DAB1: variants seen among roughly 807,000 people sequenced by gnomAD.
The protein encoded by DAB1 is disabled homolog 1.
In DAB1, 15 loss-of-function variants were observed where a neutral mutation model predicts 64.6. The ratio of observed to expected loss-of-function variants is 0.23; its 90% CI spans 0.16 to 0.36. The LOEUF (loss-of-function observed/expected upper bound fraction) is 0.36. Among genes scored for constraint, DAB1 ranks in the 10% least tolerant of loss-of-function variants. DAB1 has a pLI of 1.00. For missense variants in DAB1, 596 were observed against 706.7 expected (o/e 0.84, Z 1.78); for synonymous variants, 235 against 251.9 (o/e 0.93, Z 0.64).
At chr1:57,384,282 AAACTGG>A (rs1325478467) in intron 1 of DAB1, among the ~76,000 whole-genome samples, 1 of 152,204 alleles carries the variant, frequency 6.6e-6, no homozygotes, top group Non-Finnish European at 1.5e-5. Flanking sequence ...TGATGTGGAG[AAACTGG>A]AACCCTGCAA....
chr1:57,028,402 A>T (rs980042268), intron 9 of DAB1, among the ~76,000 whole-genome samples: 1 of 152,146 alleles, frequency 6.6e-6, no homozygotes, highest in African/African-American at 2.4e-5. Flanking sequence ...AGTCTTGGGT[A>T]TGTCTTTATC....
At chr1:58,056,399 G>T (rs753782346) in intron 5 of DAB1, 47 of 1,567,332 alleles carry the variant, frequency 3.0e-5, no homozygotes, top group Non-Finnish European at 3.9e-5. Context: ...GGCACGCATC[G>T]GGCACAGTTA....
chr1:58,314,270 T>C (rs1030776447), intron 4 of DAB1, among the ~76,000 whole-genome samples: 2 of 152,184 alleles, frequency 1.3e-5, no homozygotes, highest in Non-Finnish European at 2.9e-5. Flanking sequence ...CCATGTTGTC[T>C]GGTCTGTTCT....
intron 2 of DAB1, among the ~76,000 whole-genome samples, chr1:57,272,883 C>A (rs1307769711): frequency 6.6e-6 from 1 of 152,146 alleles, no homozygotes; most frequent in Admixed American, 6.5e-5. Context: ...GATGAGCATT[C>A]TCCTTTGTTT....
rs1236531337 is a variant in DAB1 at position 57,942,026 on chromosome 1, TC to T, written n.388-57865del. Among the ~76,000 whole-genome samples the T allele has an allele frequency of 7.9e-5, 12 of 152,316 alleles. No individual in the cohort carries two copies. The East Asian group carries it at 2.3e-3, about 29-fold the overall frequency. ...AAAAGTCAAGTGTTTCAATATTTTT[TC>T]TTTCTTTTCTGGGTAGATGGGGCAA... On this transcript the variant is annotated intron_variant and non_coding_transcript_variant, in intron 5 of 20. Transcript: ENST00000485760.
intron 6 of DAB1, among the ~76,000 whole-genome samples, chr1:57,777,702 C>T (rs533232789): frequency 3.1e-4 from 47 of 152,074 alleles, no homozygotes; most frequent in Middle Eastern, 6.8e-3. Flanking sequence ...TTTATAGTAG[C>T]TATTTTAAAG....
chr1:57,600,600 C>T (rs1645566014), intron 7 of DAB1, among the ~76,000 whole-genome samples: 1 of 152,116 alleles, frequency 6.6e-6, no homozygotes, highest in South Asian at 2.1e-4. Flanking sequence ...GGCAGGGCCT[C>T]TTTGAACCAC....
intron 5 of DAB1, among the ~76,000 whole-genome samples, chr1:58,143,981 C>T (rs1222183170): frequency 1.3e-5 from 2 of 152,164 alleles, no homozygotes; most frequent in Admixed American, 6.5e-5. Context: ...CATTTAATTC[C>T]TTCCTTCCGT....
At chr1:57,184,827 A>T (rs1277527854) in intron 2 of DAB1, among the ~76,000 whole-genome samples, 1 of 152,064 alleles carries the variant, frequency 6.6e-6, no homozygotes, top group Non-Finnish European at 1.5e-5. Context: ...ATGCATTTCA[A>T]ACACTGCCTA....
chr1:57,089,095 T>C (rs1282216841), intron 4 of DAB1, among the ~76,000 whole-genome samples: 1 of 152,252 alleles, frequency 6.6e-6, no homozygotes, highest in African/African-American at 2.4e-5. Flanking sequence ...GGAATAACTG[T>C]TTCCACCTTA....
rs964861892 is a variant in DAB1, at chr1:58,373,950, T to A, written n.258-30547A>T. On this transcript the variant is annotated intron_variant and non_coding_transcript_variant, in intron 3 of 20. Transcript: ENST00000485760. ...GCCAGTGATGGTGAGCATTTTTTCA[T>A]GTGTTTCTTGGCTGCATAAATGTCT... Among the ~76,000 whole-genome samples the A allele has an allele frequency of 1.4e-3, 209 of 148,710 alleles. 1 individual carries two copies. Among genetic ancestry groups the A allele is most frequent in the African/African-American group, 4.8e-3 (195 of 40,232 alleles).
intron 2 of DAB1, among the ~76,000 whole-genome samples, chr1:57,227,543 G>C (rs1667365617): frequency 6.6e-6 from 1 of 151,168 alleles, no homozygotes; most frequent in African/African-American, 2.4e-5. Context: ...GTGTGTGTGT[G>C]TGTGTGTGTG....
intron 5 of DAB1, among the ~76,000 whole-genome samples, chr1:57,975,650 C>T (rs1219175289): frequency 6.6e-6 from 1 of 152,158 alleles, no homozygotes; most frequent in East Asian, 1.9e-4. Context: ...GTCTCAGGTA[C>T]TATGCTAAAT....
chr1:57,175,467 A>T (rs1322344702), intron 2 of DAB1, among the ~76,000 whole-genome samples: 2 of 152,142 alleles, frequency 1.3e-5, no homozygotes, highest in Non-Finnish European at 2.9e-5. Flanking sequence ...ATTCTTTGCC[A>T]TATAATTCTG....
At chr1:57,079,863 C>G (rs1255865422) in intron 4 of DAB1, among the ~76,000 whole-genome samples, 3 of 152,174 alleles carry the variant, frequency 2.0e-5, no homozygotes, top group Admixed American at 2.0e-4. Flanking sequence ...CGCAAGTCCT[C>G]TCTACTTCCT....
rs979256265 is a variant in DAB1, at chr1:58,471,582, C to G, written n.257+34478G>C. Among the ~76,000 whole-genome samples, 9 of 152,120 alleles carry G rather than the reference C, an allele frequency of 5.9e-5. No homozygotes were observed. In the South Asian group the frequency reaches 1.5e-3, roughly 25 times the overall value. ...CTGTGTCCCCATCCAAATCTCATGT[C>G]GAATTGTATGTAATCCCCAATCCCC... On this transcript the variant is annotated intron_variant and non_coding_transcript_variant, in intron 3 of 20. Transcript: ENST00000485760.
At chr1:58,228,631 G>T (rs1659618213) in intron 4 of DAB1, 2 of 857,540 alleles carry the variant, frequency 2.3e-6, no homozygotes, top group African/African-American at 1.7e-5. Context: ...CTTGTGCGAG[G>T]TTCACATGCC....
At chr1:57,508,368 A>G (rs1436194343) in intron 7 of DAB1, among the ~76,000 whole-genome samples, 2 of 152,220 alleles carry the variant, frequency 1.3e-5, no homozygotes, top group African/African-American at 4.8e-5. Flanking sequence ...GACGCTAAAA[A>G]GTATCTGTTG....
chr1:57,577,526 C>T (rs1645264407), intron 7 of DAB1, among the ~76,000 whole-genome samples: 2 of 152,138 alleles, frequency 1.3e-5, no homozygotes, highest in Admixed American at 6.5e-5. Context: ...ATTTAGTTCT[C>T]ACTATAAACT....
Sources: gnomAD v4.1 joint callset for allele counts (sites outside exome capture counted in the v4.1 genomes callset) on GRCh38, gnomAD v4.1.1 for gene constraint, MANE v1.5 for transcripts, NCBI Gene and HGNC (gene_info 2026-07-23, HGNC 2026-07-21) for gene names.